KIF21A: variants seen among roughly 807,000 people sequenced by gnomAD.
KIF21A encodes the protein kinesin family member 21A.
A neutral mutation model predicts 202.9 loss-of-function variants in KIF21A; 114 were observed. The ratio of observed to expected loss-of-function variants is 0.56; its 90% CI spans 0.48 to 0.66. The LOEUF (loss-of-function observed/expected upper bound fraction) is 0.66, where lower values mean the gene tolerates loss of function less well. KIF21A is among the 30% of genes least tolerant of loss of function. The pLI, the probability that KIF21A is intolerant of heterozygous loss-of-function variation, is 0.00. For synonymous variants in KIF21A, 667 were observed against 670.8 expected (o/e 0.99, Z 0.09); for missense variants, 1,677 against 1,994.9 (o/e 0.84, Z 3.04).
intron 3 of KIF21A, among the ~76,000 whole-genome samples, chr12:39,368,615 G>A (rs1181123473): frequency 1.3e-5 from 2 of 152,024 alleles, no homozygotes; most frequent in Admixed American, 6.6e-5. Context: ...TTTGGAGGGT[G>A]AAAGGGAAGA....
intron 1 of KIF21A, among the ~76,000 whole-genome samples, chr12:39,399,719 CCT>C (rs1470356050): frequency 6.6e-6 from 1 of 152,124 alleles, no homozygotes; most frequent in African/African-American, 2.4e-5. Context: ...CATACTTGCC[CCT>C]GTGTCTCTCT....
At chr12:39,385,149 G>A (rs770688238) in intron 1 of KIF21A, among the ~76,000 whole-genome samples, 1 of 152,094 alleles carries the variant, frequency 6.6e-6, no homozygotes, top group South Asian at 2.1e-4. Flanking sequence ...GTGTCACCTT[G>A]GGGTCTGTCT....
At chr12:39,364,655 T>C (rs1949481561) in intron 6 of KIF21A, among the ~76,000 whole-genome samples, 1 of 152,164 alleles carries the variant, frequency 6.6e-6, no homozygotes, top group African/African-American at 2.4e-5. Flanking sequence ...ACTCTATAAC[T>C]GCCTTTGCAA....
intron 1 of KIF21A, among the ~76,000 whole-genome samples, chr12:39,410,725 G>GT (rs937675889): frequency 6.6e-6 from 1 of 151,994 alleles, no homozygotes; most frequent in Non-Finnish European, 1.5e-5. Context: ...ATTATACCAA[G>GT]TTTTTTTGCT....
intron 1 of KIF21A, among the ~76,000 whole-genome samples, chr12:39,379,470 G>C (rs1321657956): frequency 6.6e-6 from 1 of 151,942 alleles, no homozygotes; most frequent in Non-Finnish European, 1.5e-5. Flanking sequence ...GCTACCAAAA[G>C]GCTCACAAAA....
At chr12:39,363,022 C>T in intron 7 of KIF21A, 76 bp downstream of exon 7, 1 of 967,738 alleles carries the variant, frequency 1.0e-6, no homozygotes. Context: ...AAAAGTAGTT[C>T]TTATAAATCA....
Position 39,368,855 on chromosome 12 carries a change from T to A in KIF21A, c.451-823A>T, listed in dbSNP as rs1949775183. Among the ~76,000 whole-genome samples the A allele has an allele frequency of 2.0e-5, 3 of 152,146 alleles. No individual in the cohort carries two copies. In the South Asian group the frequency reaches 6.2e-4, roughly 32 times the overall value. On this transcript the variant is annotated intron_variant, in intron 3 of 37. Coordinates refer to ENST00000361418, the MANE Select transcript of KIF21A (RefSeq NM_001173464.2). ...CAGGTAATTTAGACTAAATTCTCTT[T>A]GCACCAAGAACCTAGAATTATGCCA... is the stretch of plus-strand genomic sequence containing the variant.
intron 1 of KIF21A, among the ~76,000 whole-genome samples, chr12:39,423,589 C>A (rs1392874442): frequency 1.3e-5 from 2 of 151,384 alleles, no homozygotes; most frequent in African/African-American, 2.4e-5. Context: ...GTGGCTCACG[C>A]TGTAGTCTCA....
At chr12:39,313,978 G>A (rs1165152074) in intron 31 of KIF21A, among the ~76,000 whole-genome samples, 2 of 151,646 alleles carry the variant, frequency 1.3e-5, no homozygotes, top group African/African-American at 2.4e-5. Flanking sequence ...TTACCGGAGA[G>A]AGGATACAAC....
At chr12:39,404,433 T>G (rs897419130) in intron 1 of KIF21A, among the ~76,000 whole-genome samples, 5 of 152,194 alleles carry the variant, frequency 3.3e-5, no homozygotes, top group African/African-American at 1.2e-4. Flanking sequence ...CTCAAAATAT[T>G]TTTTAATAAG....
chr12:39,340,198 C>T lies in KIF21A; in HGVS notation c.2277G>A (p.Leu759=), dbSNP rs770279739. The change falls in exon 16 of 38, where the codon TTG becomes TTA. Residue 759 remains leucine (L), a synonymous_variant. Transcript: ENST00000361418. ...QSQYEKQLKK[L]QQDVMEMKKT... is the part of the protein sequence containing the mutation. ...TTTTCATTTCCATCACATCCTGCTG[C>T]AATTTCTTCAATTGCTTTTCATACT... is the stretch of plus-strand genomic sequence containing the variant. The T allele has an allele frequency of 1.2e-6, 2 of 1,612,762 alleles. No individual in the cohort carries two copies. The highest frequency in any genetic ancestry group is 2.2e-5 in the South Asian group (2 of 90,698).
At chr12:39,334,045 T>A (rs191468703) in intron 17 of KIF21A, among the ~76,000 whole-genome samples, 39 of 150,820 alleles carry the variant, frequency 2.6e-4, no homozygotes, top group African/African-American at 8.7e-4. Flanking sequence ...CTACTAAAAA[T>A]ACAAAATTAG....
At chr12:39,401,548 G>T (rs902235432) in intron 1 of KIF21A, among the ~76,000 whole-genome samples, 2 of 152,162 alleles carry the variant, frequency 1.3e-5, no homozygotes, top group African/African-American at 2.4e-5. Flanking sequence ...ATCAACAACA[G>T]TAAAGGCCAA....
At chr12:39,440,746 C>A (rs1482853120) in intron 1 of KIF21A, among the ~76,000 whole-genome samples, 1 of 152,136 alleles carries the variant, frequency 6.6e-6, no homozygotes, top group Admixed American at 6.5e-5. Flanking sequence ...CCCGATTTAT[C>A]CAGGCGCAGT....
Position 39,341,031 on chromosome 12 carries a change from T to C in KIF21A, c.1985A>G (p.Asp662Gly), listed in dbSNP as rs2138386375. The C allele has an allele frequency of 6.2e-7, 1 of 1,612,510 alleles. No individual in the cohort carries two copies. The highest frequency in any genetic ancestry group is 1.1e-5 in the South Asian group (1 of 90,962). Residue 662 changes from aspartate (D) to glycine (G), a missense_variant, in exon 15 of 38, where the codon GAT (aspartate) becomes GGT (glycine). By Grantham distance (94) the Asp-to-Gly change is moderately conservative. Transcript: ENST00000361418. ...TCTTTTCTGGCTGTTTTCTAGTTCATCAATCAGCTTTTGCTTAATTGCAAT... is the reference window on the plus strand; with the variant it reads ...TCTTTTCTGGCTGTTTTCTAGTTCACCAATCAGCTTTTGCTTAATTGCAAT... ...CEIAIKQKLI[D>G]ELENSQKRLQ...
rs375657438 is a variant in KIF21A at position 39,406,612 on chromosome 12, T to A, written c.44+36315A>T. ...TTGCTTACTTATGTATCCTTTTCCC[T>A]GTGTATCATCTAACTTGGCAGGTAT... On this transcript the variant is annotated intron_variant, in intron 1 of 37. Coordinates refer to ENST00000361418, the MANE Select transcript of KIF21A (RefSeq NM_001173464.2). Among the ~76,000 whole-genome samples the A allele has an allele frequency of 4.1e-4, 62 of 152,350 alleles. No homozygotes were observed. In the South Asian group the frequency reaches 0.012, roughly 31 times the overall value.
At chr12:39,331,031 ATCCCAGC>A in intron 22 of KIF21A, 120 bp from the exon 23 acceptor site, 1 of 955,958 alleles carries the variant, frequency 1.0e-6, no homozygotes, top group South Asian at 1.4e-5. Context: ...ACCTCGAGTC[ATCCCAGC>A]TCCTCCAGTA....
chr12:39,401,231 A>G (rs1174513539), intron 1 of KIF21A, among the ~76,000 whole-genome samples: 1 of 152,194 alleles, frequency 6.6e-6, no homozygotes, highest in Non-Finnish European at 1.5e-5. Flanking sequence ...AGTATATAGT[A>G]AGCAAGGAAA....
chr12:39,326,211 G>T, intron 25 of KIF21A, 53 bp downstream of exon 25: 3 of 1,258,268 alleles, frequency 2.4e-6, no homozygotes, highest in Non-Finnish European at 3.5e-6. Context: ...CAAGATGAAA[G>T]TATTTAAAAT....
Sources: gnomAD v4.1 joint callset for allele counts (sites outside exome capture counted in the v4.1 genomes callset) on GRCh38, gnomAD v4.1.1 for gene constraint, MANE v1.5 for transcripts, NCBI Gene and HGNC (gene_info 2026-07-23, HGNC 2026-07-21) for gene names.